Variants in SLC1A1 observed in about 807,000 individuals in gnomAD.
SLC1A1 encodes the protein excitatory amino acid transporter 3.
SLC1A1 carries 43 observed loss-of-function variants against 53.3 expected under a neutral mutation model. The observed-to-expected ratio is 0.81, with a 90% CI of 0.63 to 1.04. SLC1A1 has a LOEUF of 1.04. Ranked by LOEUF, SLC1A1 falls within the 50% of genes least tolerant of loss-of-function variation. The pLI is 0.00. For missense variants in SLC1A1, 748 were observed against 664.9 expected (o/e 1.12, Z -1.37); for synonymous variants, 307 against 243.2 (o/e 1.26, Z -2.44).
In SLC1A1 at chr9:4,544,583, C is replaced by G; in HGVS notation, c.108C>G (p.Val36=). The stretch of plus-strand genomic sequence containing the variant: ...TTTCCTTAGGCATTACCACAGGAGT[C>G]TTGGTTCGAGAACACAGCAACCTCT... ...AAVVLGITTG[V]LVREHSNLST... The change falls in exon 2 of 12, where the codon GTC becomes GTG. Residue 36 remains valine (V), a synonymous_variant. Transcript: ENST00000262352. 6.2e-7 allele frequency: 1 copy of G among 1,613,888 alleles called. No homozygotes were observed. The highest frequency in any genetic ancestry group is 8.5e-7 in the Non-Finnish European group (1 of 1,179,836).
chr9:4,522,341 A>G (rs531560495), intron 1 of SLC1A1, among the ~76,000 whole-genome samples: 21 of 152,116 alleles, frequency 1.4e-4, no homozygotes, highest in East Asian at 7.7e-4. Context: ...GTGAGCCACC[A>G]CGCCTGGCCT....
At chr9:4,550,743 T>G (rs1324683905) in intron 2 of SLC1A1, among the ~76,000 whole-genome samples, 1 of 152,178 alleles carries the variant, frequency 6.6e-6, no homozygotes, top group African/African-American at 2.4e-5. Flanking sequence ...TTAGGTATAT[T>G]CAGTATTTAT....
chr9:4,499,750 G>A (rs1171973370), intron 1 of SLC1A1, among the ~76,000 whole-genome samples: 2 of 152,224 alleles, frequency 1.3e-5, no homozygotes, highest in African/African-American at 2.4e-5. Context: ...CTTGTTAGAT[G>A]TTGCTTAATT....
At chr9:4,584,345 A>G (rs771831434) in intron 11 of SLC1A1, among the ~76,000 whole-genome samples, 31 of 152,206 alleles carry the variant, frequency 2.0e-4, no homozygotes, top group Non-Finnish European at 4.4e-4. Flanking sequence ...CATTGAGTCA[A>G]GATTTGGTTC....
In SLC1A1 at chr9:4,586,519, C is replaced by T. The variant is rs1312216619; in HGVS notation, c.*961C>T. On this transcript the variant is annotated 3_prime_UTR_variant, in exon 12 of 12. Coordinates refer to ENST00000262352, the MANE Select transcript of SLC1A1 (RefSeq NM_004170.6). The stretch of plus-strand genomic sequence containing the variant: ...CAGATTTGAGCTGCCTGGAGGGAAT[C>T]CATATCAGCTCTGCATAAGATTATA... 2.0e-5 allele frequency: 3 copies of T among 152,164 alleles called. No individual in the cohort carries two copies. The highest frequency in any genetic ancestry group is 4.4e-5 in the Non-Finnish European group (3 of 68,032). The allele number at this position is 152,164 out of a possible 1,614,324, so 9.4% of individuals were successfully genotyped here. A position where few individuals can be genotyped will look rare whatever the true frequency, so the allele number is the denominator to read the frequency against.
chr9:4,523,407 T>C (rs1282370065), intron 1 of SLC1A1, among the ~76,000 whole-genome samples: 2 of 152,230 alleles, frequency 1.3e-5, no homozygotes, highest in African/African-American at 4.8e-5. Flanking sequence ...CTAAGACTTT[T>C]ATTTTGTTGA....
At chr9:4,581,279 T>C (rs955959157) in intron 10 of SLC1A1, among the ~76,000 whole-genome samples, 2 of 152,208 alleles carry the variant, frequency 1.3e-5, no homozygotes, top group African/African-American at 2.4e-5. Flanking sequence ...GACCTCAGTG[T>C]GAGGAAAGAA....
In SLC1A1 at chr9:4,584,368, C is replaced by G. The variant is rs375958051; in HGVS notation, c.1329-944C>G. Among the ~76,000 whole-genome samples, 70 of 152,270 alleles carry G rather than the reference C, an allele frequency of 4.6e-4. 2 individuals carry two copies. In the South Asian group the frequency reaches 0.013, roughly 28 times the overall value. ...CAAGATTTGGTTCTTTCTAGTGATG[C>G]TGGTGGATTTGCATTTTTCTCCTTT... On this transcript the variant is annotated intron_variant, in intron 11 of 11. Coordinates refer to ENST00000262352, the MANE Select transcript of SLC1A1 (RefSeq NM_004170.6).
rs1453666577 is a variant in SLC1A1, at chr9:4,549,442, A to C, written c.232+4735A>C. Among the ~76,000 whole-genome samples the C allele has an allele frequency of 1.3e-5, 2 of 152,218 alleles. No homozygotes were observed. The highest frequency in any genetic ancestry group is 2.9e-5 in the Non-Finnish European group (2 of 68,036). On this transcript the variant is annotated intron_variant, in intron 2 of 11. Coordinates refer to ENST00000262352, the MANE Select transcript of SLC1A1 (RefSeq NM_004170.6). The surrounding 1 kb of genome is among the most constrained non-coding windows in gnomAD (Gnocchi z 4.1). ...ATCTTTGCTAAAGGTAACCAAAAGC[A>C]GATGAAACACCAATGGTGACATCCA...
chr9:4,510,123 T>A (rs1324361459), intron 1 of SLC1A1, among the ~76,000 whole-genome samples: 1 of 152,192 alleles, frequency 6.6e-6, no homozygotes, highest in Non-Finnish European at 1.5e-5. Context: ...CATGAGCCAC[T>A]ACGCCCAGTC....
chr9:4,548,452 C>A (rs1372384648), intron 2 of SLC1A1, among the ~76,000 whole-genome samples: 1 of 151,936 alleles, frequency 6.6e-6, no homozygotes, highest in Non-Finnish European at 1.5e-5. Flanking sequence ...GAATTCAGAC[C>A]CAAGATTAAT....
Position 4,585,408 on chromosome 9 carries a change from T to C in SLC1A1, c.1425T>C (p.Val475=). 1 of 1,614,214 alleles carries C rather than the reference T, an allele frequency of 6.2e-7. No individual in the cohort carries two copies. The highest frequency in any genetic ancestry group is 8.5e-7 in the Non-Finnish European group (1 of 1,180,044). ...AGAAGGAGCTGGAGCAGATGGATGTTTCATCTGAAGTCAACATTGTGAATC... is the reference window on the plus strand; with the variant it reads ...AGAAGGAGCTGGAGCAGATGGATGTCTCATCTGAAGTCAACATTGTGAATC... ...LSKKELEQMD[V]SSEVNIVNPF... Residue 475 remains valine (V), a synonymous_variant, in exon 12 of 12, where the codon GTT becomes GTC. Coordinates refer to ENST00000262352, the MANE Select transcript of SLC1A1 (RefSeq NM_004170.6).
intron 5 of SLC1A1, among the ~76,000 whole-genome samples, chr9:4,567,428 G>A (rs1229832014): frequency 6.6e-6 from 1 of 152,134 alleles, no homozygotes; most frequent in East Asian, 1.9e-4. Context: ...TGAAAGTGAA[G>A]GAACATTTTG....
At chr9:4,546,844 C>G (rs555349668) in intron 2 of SLC1A1, among the ~76,000 whole-genome samples, 1 of 152,146 alleles carries the variant, frequency 6.6e-6, no homozygotes, top group Non-Finnish European at 1.5e-5. Flanking sequence ...ACAATGCAAA[C>G]TTTGGACTTC....
At chr9:4,561,138 G>A (rs1818899428) in intron 2 of SLC1A1, among the ~76,000 whole-genome samples, 1 of 152,150 alleles carries the variant, frequency 6.6e-6, no homozygotes, top group East Asian at 1.9e-4. Flanking sequence ...AAAGTTCTTA[G>A]TGCAAATGTG....
chr9:4,584,240 C>G (rs1164645359), intron 11 of SLC1A1, among the ~76,000 whole-genome samples: 1 of 152,228 alleles, frequency 6.6e-6, no homozygotes, highest in East Asian at 1.9e-4. Flanking sequence ...AGCCCCTGCA[C>G]CTGGCTTGGA....
intron 1 of SLC1A1, among the ~76,000 whole-genome samples, chr9:4,496,947 G>A (rs939403237): frequency 5.3e-5 from 8 of 152,108 alleles, no homozygotes; most frequent in African/African-American, 1.4e-4. Context: ...AATGAATGCT[G>A]TTGGGTGGAG....
intron 1 of SLC1A1, among the ~76,000 whole-genome samples, chr9:4,503,249 C>A (rs1234087082): frequency 1.3e-5 from 2 of 151,790 alleles, no homozygotes; most frequent in African/African-American, 2.4e-5. Context: ...AAACTTTGCT[C>A]CAGGCAACCA....
At chr9:4,520,390 T>C (rs1487893300) in intron 1 of SLC1A1, among the ~76,000 whole-genome samples, 1 of 152,204 alleles carries the variant, frequency 6.6e-6, no homozygotes, top group Non-Finnish European at 1.5e-5. Context: ...ATGAATCCCA[T>C]TTAATTTTAT....
Sources: gnomAD v4.1 joint callset for allele counts (sites outside exome capture counted in the v4.1 genomes callset) on GRCh38, gnomAD v4.1.1 for gene constraint, Gnocchi (gnomAD v3.1) non-coding constraint, MANE v1.5 for transcripts, NCBI Gene and HGNC (gene_info 2026-07-23, HGNC 2026-07-21) for gene names.